Variants in EYA1 observed in about 807,000 individuals in gnomAD.
EYA1 encodes protein phosphatase EYA1.
Under a neutral mutation model 82.0 loss-of-function variants are expected in EYA1, and 16 were observed. The observed-to-expected ratio is 0.20, with a 90% CI of 0.13 to 0.30. The LOEUF (loss-of-function observed/expected upper bound fraction) is 0.30. EYA1 is among the 10% of genes least tolerant of loss of function. EYA1 has a pLI of 1.00. For missense variants in EYA1, 633 were observed against 730.7 expected, an observed-to-expected ratio of 0.87 and a Z score of 1.54; for synonymous variants, 261 against 264.4, an observed-to-expected ratio of 0.99 and a Z score of 0.12.
At position 71,535,050 on chromosome 8, in the gene EYA1, C is replaced by T. The variant is rs139826854; in HGVS notation, c.33+694G>A. ...TTGCTATGGAAATTTTCCGAGAAAACAACTTTAACTTACTGAAATATGCTT... is the reference window on the plus strand; with the variant it reads ...TTGCTATGGAAATTTTCCGAGAAAATAACTTTAACTTACTGAAATATGCTT... On this transcript the variant is annotated intron_variant, in intron 2 of 18. Coordinates refer to the EYA1 transcript ENST00000643681. 2.4e-3 allele frequency among the ~76,000 whole-genome samples: 366 copies of T among 151,972 alleles called. 4 individuals carry two copies. Among genetic ancestry groups the T allele is most frequent in the Admixed American group, 0.013 (197 of 15,262 alleles).
chr8:71,540,030 A>G (rs1271813814), intron 1 of EYA1, among the ~76,000 whole-genome samples: 1 of 152,172 alleles, frequency 6.6e-6, no homozygotes, highest in Non-Finnish European at 1.5e-5. Context: ...AGAGGTGCAT[A>G]TTTGGAAGTG....
intron 2 of EYA1, among the ~76,000 whole-genome samples, chr8:71,445,659 C>T (rs762118111): frequency 6.6e-6 from 1 of 152,124 alleles, no homozygotes; most frequent in Non-Finnish European, 1.5e-5. Flanking sequence ...TTTTTTGAGA[C>T]TGAGTCTCAC....
At chr8:71,463,568 A>G (rs750024477) in intron 2 of EYA1, among the ~76,000 whole-genome samples, 5 of 138,834 alleles carry the variant, frequency 3.6e-5, no homozygotes, top group Non-Finnish European at 6.1e-5. Context: ...CTTAAGAAAT[A>G]CATGCTTTCT....
At chr8:71,273,166 G>GA (rs1230150905) in intron 9 of EYA1, among the ~76,000 whole-genome samples, 1 of 152,146 alleles carries the variant, frequency 6.6e-6, no homozygotes, top group Non-Finnish European at 1.5e-5. Context: ...AACCTAAATA[G>GA]ATTCCTATTA....
chr8:71,469,537 G>A (rs1173237811), intron 2 of EYA1, among the ~76,000 whole-genome samples: 1 of 152,072 alleles, frequency 6.6e-6, no homozygotes, highest in East Asian at 1.9e-4. Context: ...CTTAGAAGAT[G>A]ACACTGAACC....
chr8:71,483,269 C>G lies in EYA1; in HGVS notation c.33+52475G>C, dbSNP rs567703408. ...CCTCGAGATAGCCACCAACCTCCCT[C>G]TCTCAGCTCCTCAAGACTGTGTTTA... On this transcript the variant is annotated intron_variant, in intron 2 of 18. Transcript: ENST00000643681. Among the ~76,000 whole-genome samples the G allele has an allele frequency of 3.9e-5, 6 of 152,312 alleles. No individual in the cohort carries two copies. In the South Asian group the frequency reaches 1.2e-3, roughly 32 times the overall value.
chr8:71,297,818 C>T (rs1819755881), intron 9 of EYA1, among the ~76,000 whole-genome samples: 1 of 152,124 alleles, frequency 6.6e-6, no homozygotes. Flanking sequence ...TCTATGAAAA[C>T]TGTATGTACA....
intron 7 of EYA1, among the ~76,000 whole-genome samples, chr8:71,312,114 A>T (rs1242529994): frequency 6.6e-6 from 1 of 152,208 alleles, no homozygotes; most frequent in Admixed American, 6.5e-5. Context: ...GTGCTCAGAA[A>T]TGAGTTTTCT....
chr8:71,328,417 G>A (rs1016935007), intron 4 of EYA1, among the ~76,000 whole-genome samples: 8 of 152,144 alleles, frequency 5.3e-5, no homozygotes, highest in African/African-American at 1.9e-4. Flanking sequence ...CAGCTCTCCT[G>A]ATTCTTTCCG....
In EYA1 at chr8:71,264,302, G is replaced by A. The variant is rs372652571; in HGVS notation, c.1050+5438C>T. On this transcript the variant is annotated intron_variant, in intron 11 of 17. Coordinates refer to ENST00000340726, the MANE Select transcript of EYA1 (RefSeq NM_000503.6). ...AGTAGGAACAACAATCTCTACTGGC[G>A]AACTGAGCTGTTCTGATGAAATGGG... Among the ~76,000 whole-genome samples, 6 of 152,256 alleles carry A rather than the reference G, an allele frequency of 3.9e-5. No homozygotes were observed. In the South Asian group the frequency reaches 8.3e-4, roughly 21 times the overall value.
intron 2 of EYA1, among the ~76,000 whole-genome samples, chr8:71,374,976 A>G (rs570452222): frequency 6.9e-4 from 105 of 152,280 alleles, no homozygotes; most frequent in African/African-American, 2.4e-3. Context: ...TAATGTGGTT[A>G]CCAGGGGCAA....
intron 12 of EYA1, among the ~76,000 whole-genome samples, chr8:71,233,961 G>C (rs1399836127): frequency 2.6e-5 from 4 of 152,188 alleles, no homozygotes; most frequent in Non-Finnish European, 4.4e-5. Flanking sequence ...CTGGCCTCAA[G>C]GGATTTCCCA....
chr8:71,346,476 G>T, intron 3 of EYA1, among the ~76,000 whole-genome samples: 1 of 108,518 alleles, frequency 9.2e-6, no homozygotes, highest in African/African-American at 3.4e-5. Context: ...CCTTCTCCCT[G>T]CAGTTTTCCC....
At position 71,508,675 on chromosome 8, in the gene EYA1, C is replaced by T. The variant is rs143968051; in HGVS notation, c.33+27069G>A. ...GAGTACACAGTTTGAAGGCACCATC[C>T]ATGAACAAAATAATGAGTTCTCATT... On this transcript the variant is annotated intron_variant, in intron 2 of 18. Transcript: ENST00000643681. Among the ~76,000 whole-genome samples the T allele has an allele frequency of 5.8e-3, 885 of 152,218 alleles. 3 individuals are homozygous for T. The highest frequency in any genetic ancestry group is 0.01 in the Middle Eastern group (3 of 294).
intron 3 of EYA1, among the ~76,000 whole-genome samples, chr8:71,349,035 ATGATTTCCCATCTCCATT>A (rs1826037930): frequency 6.6e-6 from 1 of 152,240 alleles, no homozygotes; most frequent in African/African-American, 2.4e-5. Context: ...AAAAGCAGAG[ATGATTTCCCATCTCCATT>A]TGATCTCAGA....
At chr8:71,343,647 T>C (rs912853445) in intron 3 of EYA1, among the ~76,000 whole-genome samples, 6 of 152,200 alleles carry the variant, frequency 3.9e-5, no homozygotes, top group Non-Finnish European at 8.8e-5. Context: ...ACCTTGGACT[T>C]AGCCTTCATA....
chr8:71,299,032 TATTC>T lies in EYA1; in HGVS notation c.826+11_826+14del. The T allele has an allele frequency of 6.2e-7, 1 of 1,609,654 alleles. No individual in the cohort carries two copies. The highest frequency in any genetic ancestry group is 8.5e-7 in the Non-Finnish European group (1 of 1,175,928). On this transcript the variant is annotated intron_variant, in intron 9 of 17. Transcript: ENST00000340726. ...AAAATATCACCTGCAGGACTAATAA[TATTC>T]ACATAATTACCTGCTGTGGGATCTG...
intron 7 of EYA1, among the ~76,000 whole-genome samples, chr8:71,304,931 G>A (rs1481172151): frequency 7.0e-6 from 1 of 142,962 alleles, no homozygotes; most frequent in Admixed American, 6.9e-5. Context: ...AAGCTTCAGT[G>A]TATGGGCTGC....
intron 2 of EYA1, among the ~76,000 whole-genome samples, chr8:71,525,928 G>T (rs540776702): frequency 6.6e-6 from 1 of 152,170 alleles, no homozygotes; most frequent in Non-Finnish European, 1.5e-5. Flanking sequence ...GCAAAATAGC[G>T]AAAGGACTGA....
Sources: allele counts gnomAD v4.1 joint callset (sites outside exome capture counted in the v4.1 genomes callset), GRCh38; gene constraint gnomAD v4.1.1; transcripts MANE v1.5; gene names NCBI Gene and HGNC (gene_info 2026-07-23, HGNC 2026-07-21).